Variants in SPMIP3 observed in about 807,000 individuals in gnomAD.
SPMIP3 encodes the protein sperm microtubule inner protein 3.
At chr1:244,374,378 G>A in the SPMIP3 span, among the ~76,000 whole-genome samples, 1 of 151,974 alleles carries the variant, frequency 6.6e-6, no homozygotes, top group African/African-American at 2.4e-5. Flanking sequence ...CAAGCGCCTT[G>A]TGCTTTGACA....
At chr1:244,360,590 A>G in the SPMIP3 span, among the ~76,000 whole-genome samples, 1 of 151,666 alleles carries the variant, frequency 6.6e-6, no homozygotes, top group East Asian at 1.9e-4. Context: ...AGCCATAAAA[A>G]AGCATGAAAT....
chr1:244,356,365 A>G, the SPMIP3 span, among the ~76,000 whole-genome samples: 2 of 152,198 alleles, frequency 1.3e-5, no homozygotes, highest in African/African-American at 4.8e-5. Flanking sequence ...CTATTATTGT[A>G]TATTATAGAA....
the SPMIP3 span, among the ~76,000 whole-genome samples, chr1:244,384,201 T>TAA: frequency 8.5e-3 from 1,296 of 152,244 alleles, 21 homozygotes; most frequent in African/African-American, 0.03. Flanking sequence ...TTGCAGTGGT[T>TAA]AAAGTTTTTT....
chr1:244,359,140 CA>C, the SPMIP3 span, among the ~76,000 whole-genome samples: 740 of 133,144 alleles, frequency 5.6e-3, 5 homozygotes, highest in African/African-American at 0.015. Context: ...TGATTAATGG[CA>C]AAAAAAAAAA....
the SPMIP3 span, among the ~76,000 whole-genome samples, chr1:244,360,387 A>C: frequency 6.6e-6 from 1 of 152,144 alleles, no homozygotes; most frequent in Admixed American, 6.6e-5. Context: ...AAGAGAAAGG[A>C]AATTGTTATA....
chr1:244,357,177 C>T, the SPMIP3 span, among the ~76,000 whole-genome samples: 1 of 151,754 alleles, frequency 6.6e-6, no homozygotes, highest in Admixed American at 6.6e-5. Context: ...CCACTTTGGC[C>T]TCCCAAAGTG....
At chr1:244,367,797 T>C in the SPMIP3 span, among the ~76,000 whole-genome samples, 215 of 152,178 alleles carry the variant, frequency 1.4e-3, no homozygotes, top group Non-Finnish European at 2.8e-3. Context: ...CACAGTTAAA[T>C]AGGCCTCTCA....
chr1:244,361,425 C>A, the SPMIP3 span, among the ~76,000 whole-genome samples: 1 of 152,030 alleles, frequency 6.6e-6, no homozygotes, highest in East Asian at 1.9e-4. Context: ...GACGGGGTTT[C>A]ATCATGTTGG....
the SPMIP3 span, among the ~76,000 whole-genome samples, chr1:244,362,174 G>A: frequency 1.9e-4 from 29 of 152,302 alleles, no homozygotes; most frequent in Middle Eastern, 3.4e-3. Context: ...CTGGCCAGCC[G>A]GCAGGCAATG....
At chr1:244,386,470 C>T in the SPMIP3 span, among the ~76,000 whole-genome samples, 1 of 152,200 alleles carries the variant, frequency 6.6e-6, no homozygotes, top group African/African-American at 2.4e-5. Flanking sequence ...CCACTGTTCT[C>T]ACAACATTGA....
At chr1:244,363,333 G>C in the SPMIP3 span, among the ~76,000 whole-genome samples, 1 of 152,112 alleles carries the variant, frequency 6.6e-6, no homozygotes, top group Non-Finnish European at 1.5e-5. Flanking sequence ...GTTTGAACCC[G>C]GGAGGTGGAG....
At chr1:244,364,191 G>A in the SPMIP3 span, among the ~76,000 whole-genome samples, 4 of 151,720 alleles carry the variant, frequency 2.6e-5, no homozygotes, top group Non-Finnish European at 5.9e-5. Context: ...TGCAAGCTCC[G>A]CCTCCCGGGT....
At chr1:244,378,772 G>T in the SPMIP3 span, 1 of 988,256 alleles carries the variant, frequency 1.0e-6, no homozygotes, top group Non-Finnish European at 1.5e-6. Flanking sequence ...ATATGTGTGT[G>T]TGTGTTTCTG....
the SPMIP3 span, among the ~76,000 whole-genome samples, chr1:244,387,934 T>C: frequency 1.3e-5 from 2 of 152,054 alleles, no homozygotes; most frequent in African/African-American, 4.8e-5. Flanking sequence ...TCTTTTTTTT[T>C]TTTTATTTTT....
chr1:244,364,991 T>C, the SPMIP3 span, among the ~76,000 whole-genome samples: 414 of 152,226 alleles, frequency 2.7e-3, 2 homozygotes, highest in Non-Finnish European at 3.7e-3. Context: ...TACAAAGAAA[T>C]ATTTAACAGG....
the SPMIP3 span, among the ~76,000 whole-genome samples, chr1:244,357,837 G>T: frequency 6.6e-6 from 1 of 152,170 alleles, no homozygotes; most frequent in African/African-American, 2.4e-5. Context: ...CGGCACTTTG[G>T]GAAGCCGAGG....
chr1:244,378,791 GA>G, the SPMIP3 span: 3 of 859,036 alleles, frequency 3.5e-6, no homozygotes, highest in Non-Finnish European at 5.3e-6. Flanking sequence ...TGGGGTGCAG[GA>G]AGAATTTAGG....
the SPMIP3 span, among the ~76,000 whole-genome samples, chr1:244,367,159 CAG>C: frequency 6.6e-6 from 1 of 152,084 alleles, no homozygotes; most frequent in African/African-American, 2.4e-5. Context: ...CATGATGACA[CAG>C]GGGCTGGAGC....
chr1:244,381,921 C>T, the SPMIP3 span, among the ~76,000 whole-genome samples: 24 of 152,226 alleles, frequency 1.6e-4, 1 homozygote, highest in East Asian at 4.6e-3. Flanking sequence ...AGCAAGACTC[C>T]GTCTCAAAAA....
Sources: allele counts gnomAD v4.1 joint callset (sites outside exome capture counted in the v4.1 genomes callset), GRCh38; gene constraint gnomAD v4.1.1; transcripts MANE v1.5; gene names NCBI Gene and HGNC (gene_info 2026-07-23, HGNC 2026-07-21).